Variants in IHO1 observed in about 807,000 individuals in gnomAD.
The protein encoded by IHO1 is interactor of HORMAD1 1, also known as interactor of HORMAD1 protein 1.
In IHO1, 13 loss-of-function variants were observed where a neutral mutation model predicts 31.0. The observed-to-expected ratio is 0.42, with a 90% CI of 0.27 to 0.67. IHO1 has a LOEUF of 0.67. Among genes scored for constraint, IHO1 ranks in the 30% least tolerant of loss-of-function variants. The pLI, the probability that IHO1 is intolerant of heterozygous loss-of-function variation, is 0.24. For missense variants in IHO1, 599 were observed against 687.5 expected (o/e 0.87, Z 1.44); for synonymous variants, 221 against 248.4 (o/e 0.89, Z 1.04).
intron 2 of IHO1, among the ~76,000 whole-genome samples, chr3:49,219,876 C>A (rs2046332327): frequency 6.6e-6 from 1 of 152,188 alleles, no homozygotes; most frequent in Admixed American, 6.5e-5. Flanking sequence ...GAAAGTATAA[C>A]AAAGTAATAG....
chr3:49,234,972 A>C (rs1336074932), intron 2 of IHO1, among the ~76,000 whole-genome samples: 1 of 151,262 alleles, frequency 6.6e-6, no homozygotes, highest in East Asian at 1.9e-4. Context: ...TCAGCCTCCC[A>C]AGTAGCTGGG....
At chr3:49,207,047 C>CAAAAAAA (rs71077775) in intron 1 of IHO1, among the ~76,000 whole-genome samples, 1 of 48,736 alleles carries the variant, frequency 2.1e-5, no homozygotes, top group Non-Finnish European at 4.1e-5. Context: ...GACTCTGTCT[C>CAAAAAAA]AAAAAAAAAA....
At chr3:49,198,481 C>T (rs1370699404), upstream of IHO1, 1 of 152,258 alleles carries the variant, frequency 6.6e-6, no homozygotes, top group African/African-American at 2.4e-5. Flanking sequence ...GGGCTGAATC[C>T]AATCTCCTTT....
At chr3:49,201,719 C>A (rs768218994) in intron 1 of IHO1, among the ~76,000 whole-genome samples, 3 of 152,092 alleles carry the variant, frequency 2.0e-5, no homozygotes, top group Non-Finnish European at 4.4e-5. Context: ...GAGCGTGAGA[C>A]CTGCCTGAGC....
chr3:49,255,838 C>T (rs1028938031), intron 7 of IHO1, among the ~76,000 whole-genome samples: 22 of 151,992 alleles, frequency 1.4e-4, no homozygotes, highest in Non-Finnish European at 3.2e-4. Context: ...AGGTGTGAGT[C>T]ACTGCGCCCG....
chr3:49,243,712 C>T (rs1378169773), intron 4 of IHO1, among the ~76,000 whole-genome samples: 4 of 137,544 alleles, frequency 2.9e-5, no homozygotes, highest in Non-Finnish European at 6.1e-5. Flanking sequence ...GAGCCGAGAT[C>T]GTGCCACTGC....
chr3:49,194,292 G>GTATATATATATATATATATATA (rs141683116), upstream of IHO1, among the ~76,000 whole-genome samples: 27 of 120,174 alleles, frequency 2.2e-4, no homozygotes, highest in African/African-American at 6.3e-4. Flanking sequence ...AGTACAAAGT[G>GTATATATATATATATATATATA]TATATATATA....
intron 1 of IHO1, among the ~76,000 whole-genome samples, chr3:49,205,475 C>T (rs775464321): frequency 6.6e-6 from 1 of 151,914 alleles, no homozygotes; most frequent in Admixed American, 6.6e-5. Context: ...CGTACCAACA[C>T]GCCTGGTGAA....
At chr3:49,198,117 G>C, upstream of IHO1, among the ~76,000 whole-genome samples, 1 of 152,166 alleles carries the variant, frequency 6.6e-6, no homozygotes. Flanking sequence ...ATTTATTCAT[G>C]TTGTTGTATC....
At chr3:49,237,330 G>A (rs947462112) in intron 3 of IHO1, among the ~76,000 whole-genome samples, 1 of 152,096 alleles carries the variant, frequency 6.6e-6, no homozygotes, top group African/African-American at 2.4e-5. Flanking sequence ...CTGGGAGATA[G>A]AGCATGACTC....
chr3:49,226,741 G>A (rs1309386781), intron 2 of IHO1, among the ~76,000 whole-genome samples: 1 of 152,170 alleles, frequency 6.6e-6, no homozygotes, highest in East Asian at 1.9e-4. Flanking sequence ...TCTAACAATA[G>A]CATGACATCT....
intron 1 of IHO1, among the ~76,000 whole-genome samples, chr3:49,201,043 G>C (rs2046063184): frequency 6.6e-6 from 1 of 151,648 alleles, no homozygotes; most frequent in African/African-American, 2.4e-5. Context: ...GCCCAGGCTG[G>C]AGTGCAGTGG....
chr3:49,208,719 CAAAG>C (rs935343366), intron 1 of IHO1, among the ~76,000 whole-genome samples: 3 of 152,234 alleles, frequency 2.0e-5, no homozygotes, highest in African/African-American at 7.2e-5. Flanking sequence ...ATTCAGCTAA[CAAAG>C]AACTTGCTTA....
At chr3:49,221,523 A>G (rs2046355860) in intron 2 of IHO1, among the ~76,000 whole-genome samples, 2 of 152,122 alleles carry the variant, frequency 1.3e-5, no homozygotes, top group South Asian at 4.1e-4. Context: ...CCCCCCTCTA[A>G]ACAGGACACC....
At chr3:49,222,235 G>A (rs903600132) in intron 2 of IHO1, among the ~76,000 whole-genome samples, 5 of 152,186 alleles carry the variant, frequency 3.3e-5, no homozygotes, top group Admixed American at 2.6e-4. Context: ...GTATGGCTCT[G>A]CGCTGACGGA....
At chr3:49,255,306 C>A in intron 6 of IHO1, 84 bp from the exon 7 acceptor site, 1 of 920,156 alleles carries the variant, frequency 1.1e-6, no homozygotes, top group Non-Finnish European at 1.7e-6. Flanking sequence ...CCTCCCTTTT[C>A]ACTGCTGTGG....
chr3:49,249,638 G>A (rs2046737024), intron 6 of IHO1, among the ~76,000 whole-genome samples: 1 of 152,186 alleles, frequency 6.6e-6, no homozygotes, highest in Non-Finnish European at 1.5e-5. Context: ...TTGTTAAGAA[G>A]AGTGAGATCC....
intron 2 of IHO1, among the ~76,000 whole-genome samples, chr3:49,222,077 AGAGTAAG>A (rs1198310225): frequency 6.6e-6 from 1 of 152,202 alleles, no homozygotes; most frequent in Non-Finnish European, 1.5e-5. Flanking sequence ...TTGGGATTGT[AGAGTAAG>A]GATAGATTTC....
intron 2 of IHO1, among the ~76,000 whole-genome samples, chr3:49,216,085 T>C (rs1263846006): frequency 6.6e-6 from 1 of 152,208 alleles, no homozygotes; most frequent in African/African-American, 2.4e-5. Flanking sequence ...TATGTACTTA[T>C]ATGTTATCTA....
Sources: allele counts gnomAD v4.1 joint callset (sites outside exome capture counted in the v4.1 genomes callset), GRCh38; gene constraint gnomAD v4.1.1; transcripts MANE v1.5; gene names NCBI Gene and HGNC (gene_info 2026-07-23, HGNC 2026-07-21).